The following RAB3C variants were observed in gnomAD, a reference collection of about 807,000 sequenced individuals.
RAB3C encodes ras-related protein Rab-3C.
In RAB3C, 17 loss-of-function variants were observed where a neutral mutation model predicts 26.4. The ratio of observed to expected loss-of-function variants is 0.64; its 90% CI spans 0.44 to 0.97. The LOEUF is 0.97. RAB3C is among the 50% of genes least tolerant of loss of function. The pLI is 0.00. For missense variants in RAB3C, 242 were observed against 281.9 expected (o/e 0.86, Z 1.01); for synonymous variants, 91 against 95.9 (o/e 0.95, Z 0.30).
intron 2 of RAB3C, among the ~76,000 whole-genome samples, chr5:58,623,987 G>A (rs150318223): frequency 2.0e-3 from 309 of 152,254 alleles, no homozygotes; most frequent in Middle Eastern, 3.4e-3. Context: ...ATTTGCTATG[G>A]TAAATTATAC....
At chr5:58,781,082 A>C (rs924173121) in intron 3 of RAB3C, among the ~76,000 whole-genome samples, 3 of 152,152 alleles carry the variant, frequency 2.0e-5, no homozygotes, top group Admixed American at 2.0e-4. Context: ...CTAGAACTGC[A>C]TCATTTCTCA....
intron 3 of RAB3C, among the ~76,000 whole-genome samples, chr5:58,785,026 C>T (rs1029819363): frequency 1.3e-5 from 2 of 152,184 alleles, no homozygotes; most frequent in Non-Finnish European, 2.9e-5. Flanking sequence ...AACAAGGGTG[C>T]CTAACTGTCC....
intron 2 of RAB3C, among the ~76,000 whole-genome samples, chr5:58,702,957 T>C (rs1399541883): frequency 6.6e-6 from 1 of 152,208 alleles, no homozygotes; most frequent in African/African-American, 2.4e-5. Context: ...GAGTATAAGT[T>C]ATAACCAGCA....
chr5:58,845,357 G>A (rs574024388), intron 4 of RAB3C, among the ~76,000 whole-genome samples: 4 of 152,028 alleles, frequency 2.6e-5, no homozygotes, highest in East Asian at 1.9e-4. Context: ...CACGTGCACC[G>A]GAAGGTATTA....
intron 3 of RAB3C, among the ~76,000 whole-genome samples, chr5:58,757,317 G>A (rs1390685485): frequency 1.3e-5 from 2 of 150,856 alleles, no homozygotes; most frequent in African/African-American, 2.4e-5. Flanking sequence ...CTGTCATCAG[G>A]TATAGCATTT....
At chr5:58,673,447 T>C (rs955751054) in intron 2 of RAB3C, among the ~76,000 whole-genome samples, 4 of 146,042 alleles carry the variant, frequency 2.7e-5, no homozygotes, top group Non-Finnish European at 4.5e-5. Context: ...GAACTAGTTA[T>C]ACACACACAC....
intron 2 of RAB3C, among the ~76,000 whole-genome samples, chr5:58,681,337 C>A (rs1046923911): frequency 1.3e-5 from 2 of 152,108 alleles, no homozygotes; most frequent in Non-Finnish European, 2.9e-5. Context: ...TGAAGATCTG[C>A]CTTATCCTTG....
Position 58,767,053 on chromosome 5 carries a change from C to T in RAB3C, c.371+40933C>T, listed in dbSNP as rs1053020746. ...CAGACAGGGGCTGTCAAACCTCTGC[C>T]GTGAAAATCATCACCCTGTGGACAG... On this transcript the variant is annotated intron_variant, in intron 3 of 4. Coordinates refer to ENST00000282878, the MANE Select transcript of RAB3C (RefSeq NM_138453.4). Among the ~76,000 whole-genome samples, 4 of 152,152 alleles carry T rather than the reference C, an allele frequency of 2.6e-5. No individual in the cohort carries two copies. The East Asian group carries it at 7.7e-4, about 29-fold the overall frequency.
intron 2 of RAB3C, among the ~76,000 whole-genome samples, chr5:58,624,075 C>T (rs1448545603): frequency 6.6e-6 from 1 of 152,126 alleles, no homozygotes; most frequent in Non-Finnish European, 1.5e-5. Context: ...TACCAAAATT[C>T]AGACTTTTGT....
chr5:58,739,686 A>G (rs1337755888), intron 3 of RAB3C, among the ~76,000 whole-genome samples: 5 of 152,150 alleles, frequency 3.3e-5, no homozygotes, highest in Non-Finnish European at 5.9e-5. Flanking sequence ...TTCCCTTTCT[A>G]GACCATCAAT....
At chr5:58,768,943 C>G (rs565493484) in intron 3 of RAB3C, among the ~76,000 whole-genome samples, 1 of 151,638 alleles carries the variant, frequency 6.6e-6, no homozygotes, top group South Asian at 2.1e-4. Context: ...AAGCTGGAAA[C>G]CAACTAAGAG....
chr5:58,718,168 AG>A (rs1749213093), intron 2 of RAB3C, among the ~76,000 whole-genome samples: 1 of 152,080 alleles, frequency 6.6e-6, no homozygotes, highest in Non-Finnish European at 1.5e-5. Context: ...ACTGGGAAAA[AG>A]TATGTCAAAA....
intron 3 of RAB3C, among the ~76,000 whole-genome samples, chr5:58,809,632 T>G (rs1743024913): frequency 6.6e-6 from 1 of 152,190 alleles, no homozygotes; most frequent in African/African-American, 2.4e-5. Flanking sequence ...TGATGGTATT[T>G]GGAGGTCAAG....
intron 2 of RAB3C, among the ~76,000 whole-genome samples, chr5:58,655,942 G>A (rs1288072285): frequency 3.9e-5 from 6 of 151,920 alleles, no homozygotes; most frequent in African/African-American, 1.4e-4. Flanking sequence ...GACTACAGGC[G>A]CCCGCCACCA....
chr5:58,617,440 A>G, intron 1 of RAB3C: 1 of 757,276 alleles, frequency 1.3e-6, no homozygotes, highest in South Asian at 1.4e-5. Flanking sequence ...GGCCTGTAAG[A>G]TTTGCTATTC....
chr5:58,805,755 G>A (rs1168547438), intron 3 of RAB3C, among the ~76,000 whole-genome samples: 1 of 152,052 alleles, frequency 6.6e-6, no homozygotes, highest in African/African-American at 2.4e-5. Context: ...TCCTAGGAAG[G>A]TAGTGTGTGT....
chr5:58,603,579 T>A (rs1746500849), intron 1 of RAB3C, among the ~76,000 whole-genome samples: 1 of 152,208 alleles, frequency 6.6e-6, no homozygotes, highest in Non-Finnish European at 1.5e-5. Context: ...AATTTCTTTT[T>A]TCTACTTGTT....
rs1192692015 is a variant in RAB3C, at chr5:58,851,255, A to G, written c.588A>G (p.Ser196=). Residue 196 remains serine (S), a synonymous_variant, in exon 5 of 5, where the codon TCA becomes TCG. Coordinates refer to ENST00000282878, the MANE Select transcript of RAB3C (RefSeq NM_138453.4). ...TGGATATCATCTGCGACAAAATGTC[A>G]GAGAGTTTGGAGACTGATCCTGCCA... ...RLVDIICDKM[S]ESLETDPAIT... is the part of the protein sequence containing the mutation. 1.2e-6 allele frequency: 2 copies of G among 1,613,880 alleles called. No homozygotes were observed. The highest frequency in any genetic ancestry group is 1.7e-6 in the Non-Finnish European group (2 of 1,179,936).
chr5:58,623,002 G>A (rs1424861969), intron 2 of RAB3C, among the ~76,000 whole-genome samples: 4 of 152,188 alleles, frequency 2.6e-5, no homozygotes, highest in Non-Finnish European at 5.9e-5. Flanking sequence ...TAATTACTCA[G>A]TATCTTTCAG....
Sources: gnomAD v4.1 joint callset for allele counts (sites outside exome capture counted in the v4.1 genomes callset) on GRCh38, gnomAD v4.1.1 for gene constraint, MANE v1.5 for transcripts, NCBI Gene and HGNC (gene_info 2026-07-23, HGNC 2026-07-21) for gene names.